Variants in NHSL2 observed in about 807,000 individuals in gnomAD.
NHSL2 encodes NHS like 2.
Under a neutral mutation model 53.4 loss-of-function variants are expected in NHSL2, and 27 were observed. That is an observed-to-expected ratio of 0.51 (90% CI 0.37 to 0.70). The LOEUF is 0.70. NHSL2 is among the 30% of genes least tolerant of loss of function. NHSL2 has a pLI of 0.00. For synonymous variants in NHSL2, 408 were observed against 404.1 expected, an observed-to-expected ratio of 1.01 and a Z score of -0.12; for missense variants, 892 against 980.1, an observed-to-expected ratio of 0.91 and a Z score of 1.20.
intron 1 of NHSL2, among the ~76,000 whole-genome samples, chrX:71,938,657 C>G (rs1019007800): frequency 2.7e-5 from 3 of 112,671 alleles, no homozygotes; most frequent in Non-Finnish European, 5.6e-5. Flanking sequence ...AGACATAGCT[C>G]GACTCTGGTT....
At chrX:72,025,167 A>G (rs1326364390) in intron 1 of NHSL2, among the ~76,000 whole-genome samples, 2 of 112,471 alleles carry the variant, frequency 1.8e-5, no homozygotes, top group East Asian at 5.5e-4. Context: ...AAACCTCACA[A>G]TGTACCCTAT....
At chrX:72,086,399 G>A (rs2147434683) in intron 1 of NHSL2, among the ~76,000 whole-genome samples, 1 of 112,232 alleles carries the variant, frequency 8.9e-6, no homozygotes, top group Admixed American at 9.4e-5. Context: ...GGTTAGCAAG[G>A]TAGGCTGGGC....
chrX:71,986,975 A>G (rs950523164), intron 1 of NHSL2, among the ~76,000 whole-genome samples: 2 of 112,497 alleles, frequency 1.8e-5, no homozygotes, highest in Non-Finnish European at 3.7e-5. Context: ...CAAGAAAAAA[A>G]AATCCACATT....
intron 1 of NHSL2, among the ~76,000 whole-genome samples, chrX:72,112,313 T>A (rs1172415359): frequency 9.0e-6 from 1 of 111,123 alleles, no homozygotes; most frequent in Admixed American, 9.6e-5. Flanking sequence ...CGGGATGTGA[T>A]TTACTTCTTT....
intron 1 of NHSL2, among the ~76,000 whole-genome samples, chrX:71,991,976 A>G (rs2042029596): frequency 8.9e-6 from 1 of 112,954 alleles, no homozygotes; most frequent in Admixed American, 9.3e-5. Context: ...CAAGGGCCAC[A>G]TGAGTTGCAG....
chrX:71,953,419 T>C (rs1055215055), intron 1 of NHSL2, among the ~76,000 whole-genome samples: 1 of 112,070 alleles, frequency 8.9e-6, no homozygotes, highest in African/African-American at 3.2e-5. Flanking sequence ...TGGTTTTCCA[T>C]TTACATCAAT....
At chrX:72,031,911 T>C (rs780605471) in intron 1 of NHSL2, among the ~76,000 whole-genome samples, 5 of 111,890 alleles carry the variant, frequency 4.5e-5, no homozygotes, top group Admixed American at 9.4e-5. Context: ...GTTGACATCT[T>C]ACACAACTGG....
intron 1 of NHSL2, among the ~76,000 whole-genome samples, chrX:72,017,383 G>A (rs752098374): frequency 8.9e-6 from 1 of 112,846 alleles, no homozygotes; most frequent in Non-Finnish European, 1.9e-5. Context: ...GCAGGTGCTC[G>A]CAGCCAGCTG....
Position 72,115,766 on chromosome X carries a change from C to A in NHSL2, c.281-16313C>A, listed in dbSNP as rs1194713507. Reference sequence around the variant, plus strand: ...GCACATGACAAGGAATGCTCCCTTCCTGGCCACTGTAAGGGCTGGTGTTGG... The same window carrying A: ...GCACATGACAAGGAATGCTCCCTTCATGGCCACTGTAAGGGCTGGTGTTGG... On this transcript the variant is annotated intron_variant, in intron 1 of 7. Coordinates refer to ENST00000633930, the MANE Select transcript of NHSL2 (RefSeq NM_001013627.3). Among the ~76,000 whole-genome samples the A allele has an allele frequency of 3.6e-5, 4 of 111,513 alleles. No individual in the cohort carries two copies. In the Admixed American group the frequency reaches 3.8e-4, roughly 11 times the overall value.
At chrX:71,942,314 A>G (rs1465065685) in intron 1 of NHSL2, among the ~76,000 whole-genome samples, 2 of 111,984 alleles carry the variant, frequency 1.8e-5, no homozygotes, top group Non-Finnish European at 3.8e-5. Flanking sequence ...TTTTCCTTAC[A>G]GCTTGATACA....
At chrX:71,996,338 C>T (rs932481418) in intron 1 of NHSL2, among the ~76,000 whole-genome samples, 1 of 112,815 alleles carries the variant, frequency 8.9e-6, no homozygotes, top group Non-Finnish European at 1.9e-5. Flanking sequence ...AGTGATGGGG[C>T]GGTGGCTGCC....
At chrX:72,115,709 TG>T (rs2042133849) in intron 1 of NHSL2, among the ~76,000 whole-genome samples, 1 of 110,314 alleles carries the variant, frequency 9.1e-6, no homozygotes. Flanking sequence ...CCTGCCATTG[TG>T]GGGGGAAGGG....
chrX:71,950,578 C>T (rs1292198218), intron 1 of NHSL2, among the ~76,000 whole-genome samples: 1 of 112,449 alleles, frequency 8.9e-6, no homozygotes, highest in South Asian at 3.7e-4. Flanking sequence ...GCCCTTGTGC[C>T]TTTATGACCC....
In NHSL2 at chrX:71,911,112, G is replaced by A. The variant is rs1328071655; in HGVS notation, c.25G>A (p.Val9Ile). 7 of 1,080,250 alleles carry A rather than the reference G, an allele frequency of 6.5e-6. No homozygotes were observed. Among genetic ancestry groups the A allele is most frequent in the Non-Finnish European group, 8.4e-6 (7 of 833,598 alleles). 89.0% of individuals were successfully genotyped at this position (1,080,250 alleles called of 1,213,427 possible). A position where few individuals can be genotyped will look rare whatever the true frequency, so the allele number is the denominator to read the frequency against. The change falls in exon 1 of 8, where the codon GTA (valine) becomes ATA (isoleucine). Residue 9 changes from valine (V) to isoleucine (I), a missense_variant. Physicochemically the swap from Val to Ile is conservative, Grantham distance 29. Coordinates refer to ENST00000633930, the MANE Select transcript of NHSL2 (RefSeq NM_001013627.3). MPFYRRTV[V>I]PQRLCPRNPP... The stretch of plus-strand genomic sequence containing the variant: ...GATGCCGTTCTACAGGCGCACGGTG[G>A]TACCCCAGCGCCTGTGCCCGCGCAA...
chrX:72,149,687 G>A lies in NHSL2; in HGVS notation c.*6113G>A, dbSNP rs778925655. The A allele has an allele frequency of 8.9e-6, 1 of 111,796 alleles. No individual in the cohort carries two copies. The highest frequency in any genetic ancestry group is 1.9e-5 in the Non-Finnish European group (1 of 53,145). The allele number at this position is 111,796 out of a possible 1,213,427, so 9.2% of individuals were successfully genotyped here. ...TTTTAAATGAGATATATTTACCCTGGCTAGTGGTTAAAGTTTTATTCTTTT... is the reference window on the plus strand; with the variant it reads ...TTTTAAATGAGATATATTTACCCTGACTAGTGGTTAAAGTTTTATTCTTTT... On this transcript the variant is annotated 3_prime_UTR_variant, in exon 8 of 8. Transcript: ENST00000633930.
At chrX:71,981,414 C>T (rs1180290339) in intron 1 of NHSL2, among the ~76,000 whole-genome samples, 1 of 109,309 alleles carries the variant, frequency 9.1e-6, no homozygotes, top group Non-Finnish European at 1.9e-5. Flanking sequence ...AGTGTGTTGG[C>T]ACACACCTGT....
intron 5 of NHSL2, 71 bp from the exon 6 acceptor site, chrX:72,138,370 G>A: frequency 6.7e-6 from 6 of 898,177 alleles, no homozygotes; most frequent in Non-Finnish European, 7.5e-6. Flanking sequence ...AAAAGTTGGT[G>A]CTCCTGTCTC....
intron 1 of NHSL2, among the ~76,000 whole-genome samples, chrX:71,976,891 A>G (rs2041950877): frequency 8.9e-6 from 1 of 112,641 alleles, no homozygotes; most frequent in South Asian, 3.6e-4. Flanking sequence ...ATGAGAAACC[A>G]ATCTGAAAGA....
chrX:72,140,550 C>T lies in NHSL2; in HGVS notation c.3002C>T (p.Pro1001Leu). 3 of 1,211,120 alleles carry T rather than the reference C, an allele frequency of 2.5e-6. No individual in the cohort carries two copies. The highest frequency in any genetic ancestry group is 2.2e-6 in the Non-Finnish European group (2 of 894,996). ...GCTGAGAAAAAGAAAGGCAAGATTC[C>T]ACCTCCCGTACCAAAAAAACCCAGC... ...EEAEKKKGKI[P>L]PPVPKKPSVL... The change falls in exon 6 of 8, where the codon CCA (proline) becomes CTA (leucine). Residue 1001 changes from proline to leucine, a missense_variant. Coordinates refer to ENST00000633930, the MANE Select transcript of NHSL2 (RefSeq NM_001013627.3).
Sources: gnomAD v4.1 joint callset for allele counts (sites outside exome capture counted in the v4.1 genomes callset) on GRCh38, gnomAD v4.1.1 for gene constraint, MANE v1.5 for transcripts, NCBI Gene and HGNC (gene_info 2026-07-23, HGNC 2026-07-21) for gene names.